The following ZFHX3 variants were observed in gnomAD, a reference collection of about 807,000 sequenced individuals.
The protein encoded by ZFHX3 is zinc finger homeobox protein 3.
A neutral mutation model predicts 279.1 loss-of-function variants in ZFHX3; 42 were observed. The ratio of observed to expected loss-of-function variants is 0.15; its 90% CI spans 0.12 to 0.19. The LOEUF (loss-of-function observed/expected upper bound fraction) is 0.19, where lower values mean the gene tolerates loss of function less well. Among genes scored for constraint, ZFHX3 ranks in the 10% least tolerant of loss-of-function variants. ZFHX3 has a pLI of 1.00. For synonymous variants in ZFHX3, 2,293 were observed against 1,957.8 expected, an observed-to-expected ratio of 1.17 and a Z score of -4.52; for missense variants, 4,981 against 4,754.0, an observed-to-expected ratio of 1.05 and a Z score of -1.40.
intron 1 of ZFHX3, among the ~76,000 whole-genome samples, chr16:73,871,202 A>AT (rs1476698829): frequency 2.0e-5 from 3 of 152,182 alleles, no homozygotes; most frequent in Non-Finnish European, 4.4e-5. Context: ...TTTAGCCCTC[A>AT]TGTCACACCC....
chr16:72,910,205 C>CT (rs2039284450), intron 3 of ZFHX3, among the ~76,000 whole-genome samples: 1 of 152,154 alleles, frequency 6.6e-6, no homozygotes, highest in African/African-American at 2.4e-5. Flanking sequence ...TTGAACGAAC[C>CT]TAGTGATGGA....
chr16:73,644,329 A>C (rs1270452823), intron 2 of ZFHX3, among the ~76,000 whole-genome samples: 1 of 151,944 alleles, frequency 6.6e-6, no homozygotes, highest in Non-Finnish European at 1.5e-5. Flanking sequence ...CCCAGACTGC[A>C]TTTCCTTTCC....
intron 4 of ZFHX3, chr16:73,294,238 T>C (rs532945603): frequency 1.3e-5 from 2 of 152,340 alleles, no homozygotes; most frequent in South Asian, 2.1e-4. Flanking sequence ...GGAGGTCCCA[T>C]TCCTGGAAGG....
chr16:72,956,005 G>A (rs570190701), intron 2 of ZFHX3, among the ~76,000 whole-genome samples: 51 of 152,318 alleles, frequency 3.3e-4, no homozygotes, highest in African/African-American at 1.1e-3. Flanking sequence ...ACCAGTGCTT[G>A]TGCATCCACA....
chr16:73,003,442 CTT>C (rs1303012709), intron 1 of ZFHX3, among the ~76,000 whole-genome samples: 1 of 151,714 alleles, frequency 6.6e-6, no homozygotes, highest in East Asian at 1.9e-4. Flanking sequence ...AATCCCAGCA[CTT>C]TGGGAGGCCA....
chr16:73,002,413 T>C (rs1963531817), intron 1 of ZFHX3, among the ~76,000 whole-genome samples: 1 of 152,090 alleles, frequency 6.6e-6, no homozygotes, highest in Non-Finnish European at 1.5e-5. Context: ...GATCAGAGCG[T>C]CTTCTCCTTG....
intron 1 of ZFHX3, among the ~76,000 whole-genome samples, chr16:73,701,368 T>TG (rs11449309): frequency 2.9e-3 from 435 of 152,256 alleles, no homozygotes; most frequent in African/African-American, 9.9e-3. Flanking sequence ...ATTATATTGT[T>TG]TAAAGTCTTC....
At chr16:73,692,645 C>T (rs1414581433) in intron 1 of ZFHX3, among the ~76,000 whole-genome samples, 1 of 152,148 alleles carries the variant, frequency 6.6e-6, no homozygotes, top group Non-Finnish European at 1.5e-5. Flanking sequence ...GCATCTTTGC[C>T]CAAGTGCAAA....
At chr16:73,159,680 G>C (rs1967179339) in intron 5 of ZFHX3, among the ~76,000 whole-genome samples, 1 of 152,062 alleles carries the variant, frequency 6.6e-6, no homozygotes. Context: ...CTAAGTGTTG[G>C]GATACTTTGT....
intron 1 of ZFHX3, among the ~76,000 whole-genome samples, chr16:73,688,996 G>T (rs930199935): frequency 6.6e-6 from 1 of 152,102 alleles, no homozygotes; most frequent in Non-Finnish European, 1.5e-5. Flanking sequence ...TTTGTGAATT[G>T]CCTGGTCTTG....
chr16:73,006,620 A>T (rs978744321), intron 1 of ZFHX3, among the ~76,000 whole-genome samples: 2 of 151,786 alleles, frequency 1.3e-5, no homozygotes, highest in Admixed American at 6.6e-5. Flanking sequence ...AAAGAAAGAA[A>T]AGAAAGAAAA....
chr16:73,664,512 G>C (rs2052815849), intron 2 of ZFHX3, among the ~76,000 whole-genome samples: 1 of 152,142 alleles, frequency 6.6e-6, no homozygotes, highest in African/African-American at 2.4e-5. Flanking sequence ...GTGATTGCAA[G>C]TGATTTAAAA....
intron 5 of ZFHX3, among the ~76,000 whole-genome samples, chr16:73,170,222 A>ATTTTTTTTTTT (rs1323820575): frequency 2.4e-4 from 9 of 36,840 alleles, no homozygotes; most frequent in Non-Finnish European, 3.7e-4. Flanking sequence ...TCCTTTCACT[A>ATTTTTTTTTTT]GTTTTTTTTT....
In ZFHX3 at chr16:72,796,539, GGAGGGGGT is replaced by G. The variant is rs2035913480; in HGVS notation, c.6135_6142del (p.Pro2046ThrfsTer107). ...AGGCGGCGCTGCCGGAAGTGGGGGT[GGAGGGGGT>G]GGAGGGGGAGGTGGTGGTGGCTCTG... On this transcript the variant is annotated frameshift_variant, in exon 9 of 10. Coordinates refer to ENST00000268489, the MANE Select transcript of ZFHX3 (RefSeq NM_006885.4). LOFTEE classifies it high-confidence loss of function. 6.2e-7 allele frequency: 1 copy of G among 1,604,410 alleles called. No homozygotes were observed. The highest frequency in any genetic ancestry group is 1.4e-5 in the African/African-American group (1 of 71,256).
chr16:72,932,608 G>A (rs1229448211), intron 3 of ZFHX3, among the ~76,000 whole-genome samples: 4 of 148,792 alleles, frequency 2.7e-5, no homozygotes, highest in South Asian at 4.3e-4. Flanking sequence ...ACTAAACATC[G>A]GTCATAATCT....
At chr16:73,306,845 T>C (rs546979376) in intron 4 of ZFHX3, among the ~76,000 whole-genome samples, 2 of 152,336 alleles carry the variant, frequency 1.3e-5, no homozygotes, top group East Asian at 3.9e-4. Context: ...CAATGCTACG[T>C]TATCATTTCT....
intron 2 of ZFHX3, among the ~76,000 whole-genome samples, chr16:73,613,438 C>T (rs1254826385): frequency 2.0e-5 from 3 of 149,126 alleles, no homozygotes; most frequent in Non-Finnish European, 4.5e-5. Flanking sequence ...TTAGCTTTTG[C>T]TTTTTTTGTT....
At chr16:73,244,117 T>A (rs1362112529) in intron 5 of ZFHX3, among the ~76,000 whole-genome samples, 1 of 152,136 alleles carries the variant, frequency 6.6e-6, no homozygotes, top group Non-Finnish European at 1.5e-5. Context: ...TAGTGTGGGA[T>A]TTGCAGGAAA....
intron 3 of ZFHX3, among the ~76,000 whole-genome samples, chr16:72,902,602 C>T (rs1270375720): frequency 6.6e-6 from 1 of 152,200 alleles, no homozygotes. Context: ...GAAGACTTTT[C>T]CCTCCTTTTC....
Sources: allele counts gnomAD v4.1 joint callset (sites outside exome capture counted in the v4.1 genomes callset), GRCh38; gene constraint gnomAD v4.1.1; transcripts MANE v1.5; gene names NCBI Gene and HGNC (gene_info 2026-07-23, HGNC 2026-07-21).